MED13: variants seen among roughly 807,000 people sequenced by gnomAD.
The protein encoded by MED13 is mediator of RNA polymerase II transcription subunit 13.
MED13 carries 23 observed loss-of-function variants against 225.2 expected under a neutral mutation model. That is an observed-to-expected ratio of 0.10 (90% confidence interval 0.07 to 0.14). The LOEUF (loss-of-function observed/expected upper bound fraction) is 0.14, where lower values mean the gene tolerates loss of function less well. Ranked by LOEUF, MED13 falls within the 10% of genes least tolerant of loss-of-function variation. MED13 has a pLI of 1.00. For synonymous variants in MED13, 942 were observed against 889.2 expected, an observed-to-expected ratio of 1.06 and a Z score of -1.06; for missense variants, 2,197 against 2,594.5, an observed-to-expected ratio of 0.85 and a Z score of 3.33.
chr17:62,048,038 A>G (rs1174921999), intron 3 of MED13, among the ~76,000 whole-genome samples: 9 of 121,772 alleles, frequency 7.4e-5, no homozygotes, highest in Admixed American at 6.8e-4. Flanking sequence ...ATACATATAC[A>G]TATACATATA....
At position 62,052,594 on chromosome 17, in the gene MED13, C is replaced by A; in HGVS notation, c.413G>T (p.Arg138Leu). Residue 138 changes from arginine (R) to leucine (L), a missense_variant, in exon 3 of 30, where the codon CGT becomes CTT. Physicochemically the swap from Arg to Leu is moderately radical, Grantham distance 102. Transcript: ENST00000397786. Reference sequence around the variant, plus strand: ...AGGCTTTACAAACCACTTGCCAATACGTACAAAATTCCTGTTCATTAAACA... The same window carrying A: ...AGGCTTTACAAACCACTTGCCAATAAGTACAAAATTCCTGTTCATTAAACA... ...ERCLMNRNFV[R>L]IGKWFVKPYE... 2 of 1,596,914 alleles carry A rather than the reference C, an allele frequency of 1.3e-6. No individual in the cohort carries two copies. The highest frequency in any genetic ancestry group is 1.7e-6 in the Non-Finnish European group (2 of 1,170,406).
chr17:62,063,506 CCAT>C (rs1187041165), intron 1 of MED13, among the ~76,000 whole-genome samples: 19 of 152,246 alleles, frequency 1.2e-4, no homozygotes, highest in African/African-American at 2.4e-4. Context: ...ATTACCACCA[CCAT>C]GTCACTGAAT....
intron 9 of MED13, among the ~76,000 whole-genome samples, chr17:62,002,625 C>A (rs972606087): frequency 6.6e-6 from 1 of 151,960 alleles, no homozygotes; most frequent in South Asian, 2.1e-4. Flanking sequence ...TTATTTTGAT[C>A]CTTGTCACAT....
chr17:62,003,233 G>A (rs2080412727), intron 9 of MED13, among the ~76,000 whole-genome samples: 2 of 152,054 alleles, frequency 1.3e-5, no homozygotes, highest in African/African-American at 2.4e-5. Context: ...TAGCAGCTAA[G>A]CCTTTGATGG....
chr17:62,028,278 T>C (rs1429124798), intron 8 of MED13, among the ~76,000 whole-genome samples: 1 of 152,132 alleles, frequency 6.6e-6, no homozygotes, highest in African/African-American at 2.4e-5. Context: ...GAGGTCATTA[T>C]CCTTAGCACA....
intron 3 of MED13, among the ~76,000 whole-genome samples, chr17:62,036,154 G>A (rs1248372747): frequency 6.6e-6 from 1 of 150,726 alleles, no homozygotes; most frequent in Non-Finnish European, 1.5e-5. Flanking sequence ...GCGGACAACA[G>A]AATTAACAGT....
intron 11 of MED13, among the ~76,000 whole-genome samples, chr17:61,991,793 C>T (rs1279423276): frequency 6.6e-6 from 1 of 152,122 alleles, no homozygotes; most frequent in African/African-American, 2.4e-5. Context: ...CAGGTGTGAG[C>T]CACTGTGCCC....
intron 4 of MED13, among the ~76,000 whole-genome samples, chr17:62,034,892 G>A (rs1007852029): frequency 6.6e-6 from 1 of 152,094 alleles, no homozygotes; most frequent in African/African-American, 2.4e-5. Context: ...GCCGAGGCAG[G>A]TGGACCACTT....
chr17:62,030,125 A>T (rs1186719783), intron 6 of MED13, 112 bp from the exon 7 acceptor site: 1 of 1,019,872 alleles, frequency 9.8e-7, no homozygotes, highest in African/African-American at 1.7e-5. Context: ...ATCTGGTAAA[A>T]TTATTTATAT....
In MED13 at chr17:62,031,654, T is replaced by A. The variant is rs550932025; in HGVS notation, c.815-16A>T. On this transcript the variant is annotated splice_polypyrimidine_tract_variant and intron_variant, in intron 5 of 29. Coordinates refer to ENST00000397786, the MANE Select transcript of MED13 (RefSeq NM_005121.3). The stretch of plus-strand genomic sequence containing the variant: ...CGGACACCAGCTGAAAGGAAAAAAA[T>A]GGGACAGGAAAACCAATTACCTTTG... The A allele has an allele frequency of 6.6e-7, 1 of 1,517,674 alleles. No individual in the cohort carries two copies. Among genetic ancestry groups the A allele is most frequent in the African/African-American group, 1.4e-5 (1 of 72,006 alleles). 94.0% of individuals were successfully genotyped at this position (1,517,674 alleles called of 1,614,324 possible). A position where few individuals can be genotyped will look rare whatever the true frequency, so the allele number is the denominator to read the frequency against.
chr17:62,028,083 A>G (rs2080719849), intron 8 of MED13, among the ~76,000 whole-genome samples: 1 of 152,210 alleles, frequency 6.6e-6, no homozygotes, highest in African/African-American at 2.4e-5. Flanking sequence ...TCATTCTACC[A>G]TAAAGACACA....
At chr17:62,046,339 A>G (rs2080897706) in intron 3 of MED13, among the ~76,000 whole-genome samples, 1 of 152,222 alleles carries the variant, frequency 6.6e-6, no homozygotes. Context: ...TTATCTTTCC[A>G]GAATAAAGTC....
At position 62,063,273 on chromosome 17, in the gene MED13, T is replaced by C. The variant is rs2081055974; in HGVS notation, c.95A>G (p.Lys32Arg). Residue 32 changes from lysine to arginine, a missense_variant, in exon 2 of 30, where the codon AAA (lysine) becomes AGA (arginine). Lys to Arg is a conservative substitution (Grantham distance 26). Coordinates refer to ENST00000397786, the MANE Select transcript of MED13 (RefSeq NM_005121.3). ...LADLTGIKWKKYVWQGPTSAP... is the reference protein window; with the variant it reads ...LADLTGIKWKRYVWQGPTSAP... Reference sequence around the variant, plus strand: ...AGAAGTTGGGCCTTGCCATACATATTTTTTCCACTTAATTCCTGTCAAGTC... The same window carrying C: ...AGAAGTTGGGCCTTGCCATACATATCTTTTCCACTTAATTCCTGTCAAGTC... 2 of 1,613,548 alleles carry C rather than the reference T, an allele frequency of 1.2e-6. No individual in the cohort carries two copies. The highest frequency in any genetic ancestry group is 1.7e-6 in the Non-Finnish European group (2 of 1,179,784).
intron 17 of MED13, among the ~76,000 whole-genome samples, chr17:61,971,252 A>C (rs573250072): frequency 1.3e-5 from 2 of 152,072 alleles, no homozygotes; most frequent in South Asian, 2.1e-4. Context: ...GTTAAGGTAC[A>C]GAAATAAATA....
At chr17:61,961,293 C>T (rs2079997125) in intron 22 of MED13, among the ~76,000 whole-genome samples, 1 of 152,042 alleles carries the variant, frequency 6.6e-6, no homozygotes, top group African/African-American at 2.4e-5. Context: ...CTTTGGGAAG[C>T]ACAGGTGGGC....
At chr17:61,974,231 G>T in intron 16 of MED13, among the ~76,000 whole-genome samples, 1 of 151,832 alleles carries the variant, frequency 6.6e-6, no homozygotes, top group East Asian at 1.9e-4. Flanking sequence ...GCGCAACATG[G>T]CAAAACCCTG....
At chr17:62,062,840 G>A (rs1394425236) in intron 2 of MED13, among the ~76,000 whole-genome samples, 1 of 152,074 alleles carries the variant, frequency 6.6e-6, no homozygotes, top group Admixed American at 6.5e-5. Context: ...TAAGAAGAGA[G>A]GTGGTGGAAG....
chr17:61,993,597 G>A (rs907919123), intron 10 of MED13, among the ~76,000 whole-genome samples: 1 of 151,998 alleles, frequency 6.6e-6, no homozygotes, highest in Non-Finnish European at 1.5e-5. Context: ...GCATATAGTA[G>A]GGCTAAGTAA....
At chr17:62,037,639 C>T (rs1322047151) in intron 3 of MED13, among the ~76,000 whole-genome samples, 2 of 145,744 alleles carry the variant, frequency 1.4e-5, no homozygotes, top group Non-Finnish European at 3.0e-5. Flanking sequence ...TGCACTCCAG[C>T]CTGGGTGACA....
Sources: gnomAD v4.1 joint callset for allele counts (sites outside exome capture counted in the v4.1 genomes callset) on GRCh38, gnomAD v4.1.1 for gene constraint, MANE v1.5 for transcripts, NCBI Gene and HGNC (gene_info 2026-07-23, HGNC 2026-07-21) for gene names.